ERG: variants seen among roughly 807,000 people sequenced by gnomAD.
The protein encoded by ERG is transcriptional regulator ERG.
A neutral mutation model predicts 55.3 loss-of-function variants in ERG; 9 were observed. That is an observed-to-expected ratio of 0.16 (90% confidence interval 0.10 to 0.28). The LOEUF (loss-of-function observed/expected upper bound fraction) is 0.28, where lower values mean the gene tolerates loss of function less well. Ranked by LOEUF, ERG falls within the 10% of genes least tolerant of loss-of-function variation. The pLI is 1.00. For missense variants in ERG, 434 were observed against 631.6 expected, an observed-to-expected ratio of 0.69 and a Z score of 3.35; for synonymous variants, 223 against 237.3, an observed-to-expected ratio of 0.94 and a Z score of 0.55.
At chr21:38,612,976 C>T (rs561931299) in intron 1 of ERG, among the ~76,000 whole-genome samples, 2 of 152,266 alleles carry the variant, frequency 1.3e-5, no homozygotes, top group South Asian at 4.1e-4. Flanking sequence ...TTTGACATTT[C>T]TAAGCAGTAG....
intron 1 of ERG, among the ~76,000 whole-genome samples, chr21:38,634,300 T>C (rs2060375028): frequency 6.6e-6 from 1 of 152,192 alleles, no homozygotes; most frequent in South Asian, 2.1e-4. Context: ...CTTCACTGTG[T>C]TATTCGAGGA....
At chr21:38,637,817 G>A (rs1201398318) in intron 1 of ERG, among the ~76,000 whole-genome samples, 3 of 120,110 alleles carry the variant, frequency 2.5e-5, no homozygotes, top group Admixed American at 1.6e-4. Context: ...CTTTTTCTGC[G>A]TGTGTGTGTG....
At chr21:38,554,479 T>C (rs2059845339) in intron 2 of ERG, among the ~76,000 whole-genome samples, 1 of 152,166 alleles carries the variant, frequency 6.6e-6, no homozygotes, top group Non-Finnish European at 1.5e-5. Flanking sequence ...CATTACAGAA[T>C]ACTACACAGC....
At chr21:38,379,996 C>T (rs1987352458), downstream of ERG, 15 of 1,007,428 alleles carry the variant, frequency 1.5e-5, no homozygotes, top group Non-Finnish European at 1.8e-5. Context: ...TTCTTTAAAC[C>T]AAGGTTAAAA....
At chr21:38,384,201 C>G (rs1318350437) in intron 9 of ERG, among the ~76,000 whole-genome samples, 1 of 152,242 alleles carries the variant, frequency 6.6e-6, no homozygotes, top group Non-Finnish European at 1.5e-5. Context: ...CGGGCCGGCC[C>G]CCTTGCCTCA....
At chr21:38,480,564 T>A (rs2059228234) in intron 1 of ERG, among the ~76,000 whole-genome samples, 1 of 143,406 alleles carries the variant, frequency 7.0e-6, no homozygotes, top group Non-Finnish European at 1.5e-5. Context: ...TTAACAAAAA[T>A]TTTGCCACTT....
At chr21:38,653,530 A>G (rs894634438) in intron 1 of ERG, among the ~76,000 whole-genome samples, 3 of 152,182 alleles carry the variant, frequency 2.0e-5, no homozygotes, top group Non-Finnish European at 4.4e-5. Context: ...GTGTCCTTGC[A>G]AGAGGGGATG....
Position 38,621,595 on chromosome 21 carries a change from G to A in ERG, c.-149-36650C>T, listed in dbSNP as rs183090374. ...CTGAAGTCCTCTGAGTGACAAACAA[G>A]TGGTTGCTGTTACAAATTACTGAGA... On this transcript the variant is annotated intron_variant, in intron 1 of 10. Transcript: ENST00000398910. 2.9e-3 allele frequency among the ~76,000 whole-genome samples: 440 copies of A among 152,272 alleles called. 2 individuals carry two copies. Among genetic ancestry groups the A allele is most frequent in the Admixed American group, 4.7e-3 (72 of 15,302 alleles).
chr21:38,599,190 T>G (rs1229913245), intron 1 of ERG, among the ~76,000 whole-genome samples: 1 of 152,008 alleles, frequency 6.6e-6, no homozygotes, highest in East Asian at 1.9e-4. Context: ...TGAGCTTCCA[T>G]CCATGGTGAG....
At chr21:38,445,138 C>CTT (rs77891753) in intron 2 of ERG, among the ~76,000 whole-genome samples, 52 of 136,666 alleles carry the variant, frequency 3.8e-4, no homozygotes, top group South Asian at 1.1e-3. Context: ...CTTTCTTCTT[C>CTT]TTTTTTTTTT....
chr21:38,547,278 C>T (rs1364799476), intron 2 of ERG, among the ~76,000 whole-genome samples: 1 of 152,072 alleles, frequency 6.6e-6, no homozygotes, highest in Non-Finnish European at 1.5e-5. Context: ...TTTATTCTTG[C>T]CAAAATATTG....
chr21:38,620,627 G>T (rs1021266280), intron 1 of ERG, among the ~76,000 whole-genome samples: 2 of 152,162 alleles, frequency 1.3e-5, no homozygotes, highest in Non-Finnish European at 1.5e-5. Context: ...ATGAGTAGCT[G>T]GTATTATCAA....
At chr21:38,595,864 G>T (rs897262543) in intron 1 of ERG, among the ~76,000 whole-genome samples, 1 of 152,138 alleles carries the variant, frequency 6.6e-6, no homozygotes, top group Non-Finnish European at 1.5e-5. Context: ...TTTCTTGCTT[G>T]AAATGTCATT....
chr21:38,621,833 AC>A (rs1386086817), intron 1 of ERG, among the ~76,000 whole-genome samples: 1 of 152,198 alleles, frequency 6.6e-6, no homozygotes, highest in African/African-American at 2.4e-5. Flanking sequence ...TCCAGAGTCT[AC>A]TTAGATGCTC....
intron 6 of ERG, among the ~76,000 whole-genome samples, chr21:38,395,034 G>A (rs1307823700): frequency 2.0e-5 from 3 of 152,016 alleles, no homozygotes; most frequent in African/African-American, 7.2e-5. Context: ...ATCCTCCCTC[G>A]AAAATAAGTC....
intron 1 of ERG, among the ~76,000 whole-genome samples, chr21:38,462,986 C>T (rs1428878679): frequency 6.6e-6 from 1 of 152,180 alleles, no homozygotes; most frequent in East Asian, 1.9e-4. Flanking sequence ...CAGCTTGAGA[C>T]ACTGGTCCCT....
intron 2 of ERG, among the ~76,000 whole-genome samples, chr21:38,544,950 C>G (rs1301627887): frequency 6.6e-6 from 1 of 152,170 alleles, no homozygotes; most frequent in Non-Finnish European, 1.5e-5. Context: ...CATCCTCTTA[C>G]TAACCAGGAA....
chr21:38,501,877 A>T (rs933721686), upstream of ERG, among the ~76,000 whole-genome samples: 3 of 152,242 alleles, frequency 2.0e-5, no homozygotes, highest in African/African-American at 7.2e-5. Flanking sequence ...AAAATAATAT[A>T]ACATAAATAT....
At chr21:38,567,860 C>T (rs1046576392) in intron 2 of ERG, among the ~76,000 whole-genome samples, 5 of 152,216 alleles carry the variant, frequency 3.3e-5, no homozygotes, top group Admixed American at 6.5e-5. Context: ...AAGAGCTCGG[C>T]TCATCTGCTG....
Sources: gnomAD v4.1 joint callset for allele counts (sites outside exome capture counted in the v4.1 genomes callset) on GRCh38, gnomAD v4.1.1 for gene constraint, MANE v1.5 for transcripts, NCBI Gene and HGNC (gene_info 2026-07-23, HGNC 2026-07-21) for gene names.